C1QB: variants seen among roughly 807,000 people sequenced by gnomAD.
C1QB encodes the protein complement C1q subcomponent subunit B.
A neutral mutation model predicts 4.6 loss-of-function variants in C1QB; 2 were observed. The ratio of observed to expected loss-of-function variants is 0.43; its 90% CI spans 0.18 to 1.36. C1QB has a LOEUF of 1.36. Among genes scored for constraint, C1QB ranks in the 40% most tolerant of loss-of-function variants. C1QB has a pLI of 0.28. For synonymous variants in C1QB, 132 were observed against 137.1 expected (o/e 0.96, Z 0.26); for missense variants, 292 against 338.0 (o/e 0.86, Z 1.07).
chr1:22,654,717 G>A (rs1642506966), intron 1 of C1QB, among the ~76,000 whole-genome samples: 1 of 152,192 alleles, frequency 6.6e-6, no homozygotes, highest in Admixed American at 6.5e-5. Flanking sequence ...AGAAGCAGTA[G>A]AGACCTTATG....
At chr1:22,659,291 GA>G in intron 1 of C1QB, 148 bp from the exon 2 acceptor site, 1 of 527,426 alleles carries the variant, frequency 1.9e-6, no homozygotes, top group East Asian at 4.4e-5. Context: ...GAGGGATAGA[GA>G]GATGGATGGA....
chr1:22,660,353 T>C (rs1478295691), intron 2 of C1QB, among the ~76,000 whole-genome samples: 1 of 152,068 alleles, frequency 6.6e-6, no homozygotes, highest in Non-Finnish European at 1.5e-5. Flanking sequence ...GGAAAATCGG[T>C]CTTATCTTGT....
intron 1 of C1QB, among the ~76,000 whole-genome samples, chr1:22,654,768 C>T (rs1030072166): frequency 1.3e-5 from 2 of 152,188 alleles, no homozygotes; most frequent in African/African-American, 4.8e-5. Flanking sequence ...CTACAGGCTC[C>T]CGCCACCAGG....
At position 22,655,836 on chromosome 1, in the gene C1QB, GAGGATACAGTTCAGCCTCT is replaced by G. The variant is rs1393492839; in HGVS notation, c.-24+2534_-24+2552del. ...ACCACTCTGCTCCCCCATTTTAAGA[GAGGATACAGTTCAGCCTCT>G]GAGGAAAGGTTTCCTGGAGGAAGAA... On this transcript the variant is annotated intron_variant, in intron 1 of 2. Coordinates refer to ENST00000509305, the MANE Select transcript of C1QB (RefSeq NM_001378156.1). Among the ~76,000 whole-genome samples the G allele has an allele frequency of 2.0e-5, 3 of 152,328 alleles. No individual in the cohort carries two copies. In the East Asian group the frequency reaches 5.8e-4, roughly 29 times the overall value.
chr1:22,660,800 CT>C lies in C1QB; in HGVS notation c.182-11del. 6.2e-7 allele frequency: 1 copy of C among 1,613,878 alleles called. No homozygotes were observed. Among genetic ancestry groups the C allele is most frequent in the Non-Finnish European group, 8.5e-7 (1 of 1,179,912 alleles). ...CTCAGTGATCTCACTTCTTTGGTCT[CT>C]GCTTTTCCAGGGCTTCCAGGGCTGG... On this transcript the variant is annotated splice_polypyrimidine_tract_variant and intron_variant, in intron 2 of 2. Transcript: ENST00000509305.
Position 22,661,157 on chromosome 1 carries a change from G to A in C1QB, c.527G>A (p.Gly176Glu). 6.2e-7 allele frequency: 1 copy of A among 1,614,142 alleles called. No individual in the cohort carries two copies. Among genetic ancestry groups the A allele is most frequent in the Non-Finnish European group, 8.5e-7 (1 of 1,180,020 alleles). The change falls in exon 3 of 3, where the codon GGG becomes GAG. Residue 176 changes from glycine (G) to glutamate (E), a missense_variant. By Grantham distance (98) the Gly-to-Glu change is moderately conservative. Coordinates refer to ENST00000509305, the MANE Select transcript of C1QB (RefSeq NM_001378156.1). ...YYFTYHASSR[G>E]NLCVNLMRGR... The stretch of plus-strand genomic sequence containing the variant: ...TTCACCTACCACGCCAGCTCTCGAG[G>A]GAACCTGTGCGTGAACCTCATGCGT...
intron 1 of C1QB, among the ~76,000 whole-genome samples, chr1:22,658,562 T>C (rs1041226290): frequency 8.5e-5 from 13 of 152,400 alleles, no homozygotes; most frequent in Middle Eastern, 3.4e-3. Context: ...TACCTGTTTA[T>C]ATCTGTCCCC....
At position 22,661,427 on chromosome 1, in the gene C1QB, G is replaced by GC; in HGVS notation, c.*42dup. Reference sequence around the variant, plus strand: ...ACATCCACCCCGGCTCCCCCTGCCAGCAACGCTCACTCTACCCCCAACACC... The same window carrying GC: ...ACATCCACCCCGGCTCCCCCTGCCAGCCAACGCTCACTCTACCCCCAACACC... On this transcript the variant is annotated 3_prime_UTR_variant, in exon 3 of 3. Coordinates refer to ENST00000509305, the MANE Select transcript of C1QB (RefSeq NM_001378156.1). 6.2e-7 allele frequency: 1 copy of GC among 1,610,202 alleles called. No individual in the cohort carries two copies. Among genetic ancestry groups the GC allele is most frequent in the Middle Eastern group, 1.7e-4 (1 of 6,058 alleles).
chr1:22,659,080 CAG>C lies in C1QB; in HGVS notation c.-23-359_-23-358del, dbSNP rs1642575256. Among the ~76,000 whole-genome samples, 4 of 56,984 alleles carry C rather than the reference CAG, an allele frequency of 7.0e-5. No homozygotes were observed. The South Asian group carries it at 2.4e-3, about 35-fold the overall frequency. 37.4% of individuals were successfully genotyped at this position (56,984 alleles called of 152,430 possible). A position where few individuals can be genotyped will look rare whatever the true frequency, so the allele number is the denominator to read the frequency against. On this transcript the variant is annotated intron_variant, in intron 1 of 2. Coordinates refer to ENST00000509305, the MANE Select transcript of C1QB (RefSeq NM_001378156.1). ...ATGGATGGATGGATGGATGGATGGA[CAG>C]GGGGATGGAGGGATGGATGCAGGGA... is the stretch of plus-strand genomic sequence containing the variant.
At chr1:22,659,036 CAGATGGATGGAT>C (rs1303326597) in intron 1 of C1QB, among the ~76,000 whole-genome samples, 10 of 55,916 alleles carry the variant, frequency 1.8e-4, no homozygotes, top group Admixed American at 1.0e-3. Flanking sequence ...GATAGAGAGA[CAGATGGATGGAT>C]GGATGGATGG....
At chr1:22,653,476 T>C (rs1642483888) in intron 1 of C1QB, among the ~76,000 whole-genome samples, 173 bp downstream of exon 1, 2 of 151,938 alleles carry the variant, frequency 1.3e-5, no homozygotes, top group Non-Finnish European at 2.9e-5. Flanking sequence ...CTGGGGTGAG[T>C]TGGGGAGTCT....
intron 1 of C1QB, among the ~76,000 whole-genome samples, chr1:22,658,114 C>T (rs1421214677): frequency 6.6e-6 from 1 of 152,164 alleles, no homozygotes; most frequent in Non-Finnish European, 1.5e-5. Context: ...TCATAAGCAG[C>T]ATCATACCCT....
intron 1 of C1QB, among the ~76,000 whole-genome samples, chr1:22,658,157 G>A (rs1046759868): frequency 1.4e-4 from 22 of 152,106 alleles, no homozygotes; most frequent in Non-Finnish European, 2.5e-4. Flanking sequence ...AAGAGCTTTC[G>A]GGGAATAAAA....
intron 1 of C1QB, among the ~76,000 whole-genome samples, chr1:22,655,520 C>T (rs541455235): frequency 6.6e-6 from 1 of 152,310 alleles, no homozygotes; most frequent in South Asian, 2.1e-4. Context: ...TTGGGACAGC[C>T]AGCATGTGGC....
At chr1:22,658,038 A>T (rs990197492) in intron 1 of C1QB, among the ~76,000 whole-genome samples, 1 of 152,152 alleles carries the variant, frequency 6.6e-6, no homozygotes, top group African/African-American at 2.4e-5. Context: ...CCTGAGCCTC[A>T]GTGTCCCCTT....
At chr1:22,657,242 A>G (rs1642543891) in intron 1 of C1QB, among the ~76,000 whole-genome samples, 2 of 152,106 alleles carry the variant, frequency 1.3e-5, no homozygotes, top group African/African-American at 4.8e-5. Context: ...GAAGCTACCT[A>G]GGGGCTGGCA....
At chr1:22,657,423 A>G (rs1182158828) in intron 1 of C1QB, among the ~76,000 whole-genome samples, 2 of 152,264 alleles carry the variant, frequency 1.3e-5, no homozygotes, top group South Asian at 4.1e-4. Context: ...GTACTGATAC[A>G]TGCTACAACA....
intron 1 of C1QB, among the ~76,000 whole-genome samples, 191 bp downstream of exon 1, chr1:22,653,494 C>A (rs913243): frequency 0.43 from 65,421 of 152,084 alleles, 14,184 homozygotes; most frequent in South Asian, 0.51. Context: ...TCTGCTGCTA[C>A]CCAGGGCCTA....
chr1:22,660,946 G>C lies in C1QB; in HGVS notation c.316G>C (p.Gly106Arg). The C allele has an allele frequency of 6.2e-7, 1 of 1,613,874 alleles. No homozygotes were observed. The highest frequency in any genetic ancestry group is 8.5e-7 in the Non-Finnish European group (1 of 1,179,916). Reference protein sequence around the residue: ...KGGPGAPGAPGPKGESGDYKA... With the variant: ...KGGPGAPGAPRPKGESGDYKA... Reference sequence around the variant, plus strand: ...TGGCCCAGGGGCCCCTGGAGCCCCAGGCCCCAAAGGTGAATCGGGAGACTA... The same window carrying C: ...TGGCCCAGGGGCCCCTGGAGCCCCACGCCCCAAAGGTGAATCGGGAGACTA... The change falls in exon 3 of 3, where the codon GGC (glycine) becomes CGC (arginine). Residue 106 changes from glycine to arginine, a missense_variant. Gly to Arg is a moderately radical substitution (Grantham distance 125). Transcript: ENST00000509305.
Sources: gnomAD v4.1 joint callset for allele counts (sites outside exome capture counted in the v4.1 genomes callset) on GRCh38, gnomAD v4.1.1 for gene constraint, MANE v1.5 for transcripts, NCBI Gene and HGNC (gene_info 2026-07-23, HGNC 2026-07-21) for gene names.